The following BCAS3 variants were observed in gnomAD, a reference collection of about 807,000 sequenced individuals.
BCAS3 encodes BCAS3 microtubule associated cell migration factor.
Under a neutral mutation model 116.1 loss-of-function variants are expected in BCAS3, and 53 were observed. The observed-to-expected ratio is 0.46, with a 90% confidence interval of 0.37 to 0.57. The LOEUF is 0.57. BCAS3 is among the 20% of genes least tolerant of loss of function. The pLI, the probability that BCAS3 is intolerant of heterozygous loss-of-function variation, is 0.00. For missense variants in BCAS3, 917 were observed against 1,165.4 expected (o/e 0.79, Z 3.10); for synonymous variants, 391 against 408.2 (o/e 0.96, Z 0.51).
chr17:60,687,138 G>A (rs1329079409), intron 3 of BCAS3, among the ~76,000 whole-genome samples: 1 of 152,208 alleles, frequency 6.6e-6, no homozygotes. Context: ...TGTGTGTAGT[G>A]TGTTAGAAAC....
intron 23 of BCAS3, among the ~76,000 whole-genome samples, chr17:61,386,783 G>GTTTTTGT (rs1464951235): frequency 8.7e-6 from 1 of 115,280 alleles, no homozygotes; most frequent in Non-Finnish European, 1.8e-5. Context: ...GTTTTTTTTT[G>GTTTTTGT]TTTTTGTTTT....
intron 11 of BCAS3, among the ~76,000 whole-genome samples, chr17:60,903,588 C>T (rs923825368): frequency 6.6e-6 from 1 of 152,182 alleles, no homozygotes. Flanking sequence ...GCTGGGACTA[C>T]GGGCGCATGC....
At position 61,217,146 on chromosome 17, in the gene BCAS3, G is replaced by A. The variant is rs1228617434; in HGVS notation, c.2425+132582G>A. Among the ~76,000 whole-genome samples, 1 of 151,944 alleles carries A rather than the reference G, an allele frequency of 6.6e-6. No homozygotes were observed. The highest frequency in any genetic ancestry group is 1.5e-5 in the Non-Finnish European group (1 of 68,006). ...AAAATACAAAAAATTAGCTGGGTGT[G>A]GTGGCACACTCCTGCAGTCCCAGCT... is the stretch of plus-strand genomic sequence containing the variant. On this transcript the variant is annotated intron_variant, in intron 22 of 23. Coordinates refer to ENST00000407086, the MANE Select transcript of BCAS3 (RefSeq NM_017679.5). This position sits in a 1 kb window ranked among gnomAD's most constrained non-coding sequence, Gnocchi z 5.2.
At chr17:61,066,168 A>G (rs1232458733) in intron 19 of BCAS3, among the ~76,000 whole-genome samples, 1 of 152,208 alleles carries the variant, frequency 6.6e-6, no homozygotes, top group Non-Finnish European at 1.5e-5. Context: ...GGGAGGCTGG[A>G]GTTTACAAAC....
intron 12 of BCAS3, among the ~76,000 whole-genome samples, chr17:60,917,883 G>A (rs1220388461): frequency 3.3e-5 from 5 of 152,120 alleles, no homozygotes; most frequent in African/African-American, 4.8e-5. Context: ...ATGAGCTACC[G>A]TGCCCCGCCA....
At chr17:61,289,679 C>T (rs943521978) in intron 22 of BCAS3, among the ~76,000 whole-genome samples, 16 of 152,104 alleles carry the variant, frequency 1.1e-4, no homozygotes, top group Non-Finnish European at 1.8e-4. Context: ...GTCAAAGCCT[C>T]ACGTATTACT....
At position 61,364,299 on chromosome 17, in the gene BCAS3, G is replaced by A. The variant is rs768090563; in HGVS notation, c.2426-4028G>A. Among the ~76,000 whole-genome samples, 1 of 152,152 alleles carries A rather than the reference G, an allele frequency of 6.6e-6. No individual in the cohort carries two copies. On this transcript the variant is annotated intron_variant, in intron 22 of 23. Coordinates refer to ENST00000407086, the MANE Select transcript of BCAS3 (RefSeq NM_017679.5). This position sits in a 1 kb window ranked among gnomAD's most constrained non-coding sequence, Gnocchi z 5.4. ...CATCCCGTAAACATGGTGACTCATC[G>A]TCACCACCACCAAACTCCAAGCAAC... is the stretch of plus-strand genomic sequence containing the variant.
chr17:61,157,743 ACT>A (rs1360259853), intron 22 of BCAS3, among the ~76,000 whole-genome samples: 2 of 152,062 alleles, frequency 1.3e-5, no homozygotes, highest in Non-Finnish European at 2.9e-5. Flanking sequence ...CAAGCTGCAA[ACT>A]CTATTGAATG....
intron 22 of BCAS3, among the ~76,000 whole-genome samples, chr17:61,284,015 G>A (rs773834490): frequency 1.3e-5 from 2 of 152,168 alleles, no homozygotes; most frequent in South Asian, 2.1e-4. Context: ...AGGTGAAGCC[G>A]GCTGGGCTTC....
In BCAS3 at chr17:60,961,637, A is replaced by G. The variant is rs890851799; in HGVS notation, c.1221+14285A>G. Among the ~76,000 whole-genome samples, 4 of 152,082 alleles carry G rather than the reference A, an allele frequency of 2.6e-5. No homozygotes were observed. The highest frequency in any genetic ancestry group is 9.7e-5 in the African/African-American group (4 of 41,404). On this transcript the variant is annotated intron_variant, in intron 14 of 23. Coordinates refer to ENST00000407086, the MANE Select transcript of BCAS3 (RefSeq NM_017679.5). This position sits in a 1 kb window ranked among gnomAD's most constrained non-coding sequence, Gnocchi z 4.8. ...AAAAAATATACATATAAAATTTACT[A>G]TCTTTACCATTTTTAAGTGTACAGT... is the stretch of plus-strand genomic sequence containing the variant.
chr17:60,871,620 T>C (rs1434310387), intron 8 of BCAS3, among the ~76,000 whole-genome samples: 1 of 151,338 alleles, frequency 6.6e-6, no homozygotes, highest in Non-Finnish European at 1.5e-5. Context: ...TTTTTTTTTT[T>C]GCATAACCAG....
chr17:61,309,237 T>G lies in BCAS3; in HGVS notation c.2426-59090T>G, dbSNP rs2054100542. 1.3e-5 allele frequency among the ~76,000 whole-genome samples: 2 copies of G among 152,218 alleles called. No homozygotes were observed. The highest frequency in any genetic ancestry group is 1.3e-4 in the Admixed American group (2 of 15,282). On this transcript the variant is annotated intron_variant, in intron 22 of 23. Transcript: ENST00000407086. The surrounding 1 kb of genome is among the most constrained non-coding windows in gnomAD (Gnocchi z 4.6). ...GAATTAGATAACTCTCTACGTGATTTGCAAACACCTCAAAATTGTCAAGAT... is the reference window on the plus strand; with the variant it reads ...GAATTAGATAACTCTCTACGTGATTGGCAAACACCTCAAAATTGTCAAGAT...
At chr17:60,680,455 T>C (rs905630434) in intron 2 of BCAS3, among the ~76,000 whole-genome samples, 2 of 152,120 alleles carry the variant, frequency 1.3e-5, no homozygotes, top group African/African-American at 4.8e-5. Context: ...GGCACCAGTG[T>C]GTGGTGTTCC....
At chr17:60,878,558 G>A (rs2055834652) in intron 9 of BCAS3, among the ~76,000 whole-genome samples, 1 of 152,188 alleles carries the variant, frequency 6.6e-6, no homozygotes, top group Non-Finnish European at 1.5e-5. Flanking sequence ...GAAAGCAACA[G>A]TAACATATGT....
chr17:61,296,050 A>G (rs540979955), intron 22 of BCAS3, among the ~76,000 whole-genome samples: 2 of 152,296 alleles, frequency 1.3e-5, no homozygotes, highest in East Asian at 3.9e-4. Context: ...CAAAAGGGAT[A>G]TGAAAAGTTT....
chr17:60,735,951 T>G (rs552400947), intron 5 of BCAS3, among the ~76,000 whole-genome samples: 2 of 152,186 alleles, frequency 1.3e-5, no homozygotes, highest in Non-Finnish European at 2.9e-5. Context: ...ATTAAGTGAG[T>G]GTAAGTGAGC....
At chr17:61,154,836 T>C (rs1256218450) in intron 22 of BCAS3, among the ~76,000 whole-genome samples, 6 of 152,182 alleles carry the variant, frequency 3.9e-5, no homozygotes, top group Admixed American at 2.0e-4. Context: ...AGGAATTACA[T>C]TTATTGTAAA....
In BCAS3 at chr17:61,084,378, A is replaced by T; in HGVS notation, c.2328-89A>T. On this transcript the variant is annotated intron_variant, in intron 21 of 23. Transcript: ENST00000407086. This position sits in a 1 kb window ranked among gnomAD's most constrained non-coding sequence, Gnocchi z 5.5. Reference sequence around the variant, plus strand: ...GGATGGTTCTTTAATGGATTGTGCTACTCCAGCATTCCTGATTTAAGGTCA... The same window carrying T: ...GGATGGTTCTTTAATGGATTGTGCTTCTCCAGCATTCCTGATTTAAGGTCA... The T allele has an allele frequency of 1.0e-6, 1 of 992,408 alleles. No individual in the cohort carries two copies. The highest frequency in any genetic ancestry group is 1.5e-6 in the Non-Finnish European group (1 of 663,270). The allele number at this position is 992,408 out of a possible 1,614,324, so 61.5% of individuals were successfully genotyped here. A position where few individuals can be genotyped will look rare whatever the true frequency, so the allele number is the denominator to read the frequency against.
intron 6 of BCAS3, among the ~76,000 whole-genome samples, chr17:60,754,645 A>G (rs574471350): frequency 2.0e-5 from 3 of 151,774 alleles, no homozygotes; most frequent in Non-Finnish European, 1.5e-5. Context: ...TTGGCCTTGA[A>G]TAATTTCTTA....
Sources: gnomAD v4.1 joint callset for allele counts (sites outside exome capture counted in the v4.1 genomes callset) on GRCh38, gnomAD v4.1.1 for gene constraint, Gnocchi (gnomAD v3.1) non-coding constraint, MANE v1.5 for transcripts, NCBI Gene and HGNC (gene_info 2026-07-23, HGNC 2026-07-21) for gene names.